MAF: variants seen among roughly 807,000 people sequenced by gnomAD.
MAF encodes transcription factor Maf.
In MAF, 10 loss-of-function variants were observed where a neutral mutation model predicts 22.0. The observed-to-expected ratio is 0.45, with a 90% confidence interval of 0.28 to 0.77. The LOEUF (loss-of-function observed/expected upper bound fraction) is 0.77, where lower values mean the gene tolerates loss of function less well. MAF is among the 30% of genes least tolerant of loss of function. MAF has a pLI of 0.12. For synonymous variants in MAF, 337 were observed against 255.8 expected (o/e 1.32, Z -3.03); for missense variants, 544 against 548.4 (o/e 0.99, Z 0.08).
chr16:79,204,749 T>C, the MAF span: 2 of 152,216 alleles, frequency 1.3e-5, no homozygotes, highest in Non-Finnish European at 2.9e-5. Flanking sequence ...AACATGGCTT[T>C]GGACGCCTTT....
chr16:79,511,223 A>G, the MAF span, among the ~76,000 whole-genome samples: 2 of 151,880 alleles, frequency 1.3e-5, no homozygotes, highest in Admixed American at 1.3e-4. Flanking sequence ...TGTCATGCCA[A>G]CCCCGAAAAG....
At chr16:79,408,078 C>CAAA in the MAF span, among the ~76,000 whole-genome samples, 3,052 of 81,504 alleles carry the variant, frequency 0.037, 181 homozygotes, top group African/African-American at 0.074. Context: ...TTTTACCTTT[C>CAAA]AAAAAAAAAA....
At chr16:79,345,229 T>C in the MAF span, among the ~76,000 whole-genome samples, 1 of 152,196 alleles carries the variant, frequency 6.6e-6, no homozygotes, top group African/African-American at 2.4e-5. Context: ...GATTATAATA[T>C]AATGTGCTTC....
chr16:79,273,116 G>A, the MAF span, among the ~76,000 whole-genome samples: 25 of 152,108 alleles, frequency 1.6e-4, no homozygotes, highest in Non-Finnish European at 3.1e-4. Context: ...TTGTTTTGCT[G>A]GGGCCCTAAG....
chr16:79,488,844 A>C, the MAF span, among the ~76,000 whole-genome samples: 1 of 152,276 alleles, frequency 6.6e-6, no homozygotes, highest in East Asian at 1.9e-4. Context: ...CGTCACCTCA[A>C]TTAAAAAGTT....
chr16:79,523,124 G>A, the MAF span, among the ~76,000 whole-genome samples: 18 of 152,240 alleles, frequency 1.2e-4, no homozygotes, highest in Middle Eastern at 3.4e-3. Context: ...TTTCTGATCC[G>A]TTGGTCAATA....
At chr16:79,205,620 C>T in the MAF span, 4 of 152,178 alleles carry the variant, frequency 2.6e-5, no homozygotes, top group African/African-American at 9.7e-5. Context: ...GTGCATTCCT[C>T]TTCTATAATA....
At chr16:79,507,973 G>A in the MAF span, among the ~76,000 whole-genome samples, 86 of 152,290 alleles carry the variant, frequency 5.6e-4, no homozygotes, top group East Asian at 0.016. Context: ...GGGCCTATTT[G>A]GTGATGGCCG....
chr16:79,593,588 T>C (rs1454194761), downstream of MAF, among the ~76,000 whole-genome samples: 3 of 152,194 alleles, frequency 2.0e-5, no homozygotes, highest in Admixed American at 2.0e-4. Context: ...GTTGAAAGAC[T>C]CCCAGGTAGT....
At chr16:79,553,844 T>G in the MAF span, among the ~76,000 whole-genome samples, 1 of 152,112 alleles carries the variant, frequency 6.6e-6, no homozygotes, top group African/African-American at 2.4e-5. Flanking sequence ...ATCCCAGCAC[T>G]TTGGGAGGCC....
chr16:79,597,176 A>G, intron 1 of MAF: 1 of 1,055,482 alleles, frequency 9.5e-7, no homozygotes, highest in South Asian at 4.6e-5. Context: ...ATAGTAAACA[A>G]TTTAGTGCAT....
the MAF span, among the ~76,000 whole-genome samples, chr16:79,466,800 T>A: frequency 6.6e-6 from 1 of 152,222 alleles, no homozygotes; most frequent in African/African-American, 2.4e-5. Flanking sequence ...ACACCGGGTA[T>A]TTAAGATCCA....
the MAF span, among the ~76,000 whole-genome samples, chr16:79,522,858 T>A: frequency 6.6e-6 from 1 of 152,186 alleles, no homozygotes; most frequent in Admixed American, 6.5e-5. Context: ...AGAAACTTGT[T>A]TCATGAACAC....
chr16:79,212,148 C>T, the MAF span: 1 of 1,511,950 alleles, frequency 6.6e-7, no homozygotes. Context: ...CCCCTCGTCC[C>T]ATCCAGCTAC....
chr16:79,450,388 T>C, the MAF span, among the ~76,000 whole-genome samples: 494 of 152,330 alleles, frequency 3.2e-3, 8 homozygotes, highest in South Asian at 0.044. Context: ...TCTATCAATG[T>C]AGACTCTTGC....
chr16:79,317,231 C>A, the MAF span, among the ~76,000 whole-genome samples: 1 of 148,968 alleles, frequency 6.7e-6, no homozygotes, highest in African/African-American at 2.5e-5. Flanking sequence ...ATCTCTCCCT[C>A]CCTCCTTTCT....
At chr16:79,361,618 C>T in the MAF span, among the ~76,000 whole-genome samples, 1 of 152,066 alleles carries the variant, frequency 6.6e-6, no homozygotes, top group Non-Finnish European at 1.5e-5. Context: ...CAATGGAGCC[C>T]ATAGCTATTT....
chr16:79,444,970 T>C, the MAF span, among the ~76,000 whole-genome samples: 1 of 152,128 alleles, frequency 6.6e-6, no homozygotes, highest in South Asian at 2.1e-4. Flanking sequence ...TGGAGTTCAG[T>C]TTCTGGCAAA....
chr16:79,474,745 G>C, the MAF span, among the ~76,000 whole-genome samples: 1 of 152,104 alleles, frequency 6.6e-6, no homozygotes, highest in Admixed American at 6.5e-5. Context: ...GCATGAGCAT[G>C]ACCCAGACCT....
Sources: allele counts gnomAD v4.1 joint callset (sites outside exome capture counted in the v4.1 genomes callset), GRCh38; gene constraint gnomAD v4.1.1; transcripts MANE v1.5; gene names NCBI Gene and HGNC (gene_info 2026-07-23, HGNC 2026-07-21).